HAUS8: variants seen among roughly 807,000 people sequenced by gnomAD.
HAUS8 encodes the protein HAUS augmin like complex subunit 8, also known as HAUS augmin-like complex subunit 8.
In HAUS8, 38 loss-of-function variants were observed where a neutral mutation model predicts 42.9. The ratio of observed to expected loss-of-function variants is 0.89; its 90% CI spans 0.68 to 1.16. HAUS8 has a LOEUF of 1.16. Ranked by LOEUF, HAUS8 falls within the 50% of genes most tolerant of loss-of-function variation. The pLI is 0.00. For synonymous variants in HAUS8, 199 were observed against 205.8 expected (o/e 0.97, Z 0.28); for missense variants, 494 against 511.6 (o/e 0.97, Z 0.33).
Position 17,071,427 on chromosome 19 carries a change from C to T in HAUS8, c.91+1847G>A, listed in dbSNP as rs528595053. The stretch of plus-strand genomic sequence containing the variant: ...GCAGATGTGGACAATCGGAAGGCCA[C>T]TCTCATGGTGCAGGTCTCCAAGGGC... On this transcript the variant is annotated intron_variant, in intron 2 of 10. Transcript: ENST00000253669. 2.0e-5 allele frequency among the ~76,000 whole-genome samples: 3 copies of T among 152,260 alleles called. No individual in the cohort carries two copies. The East Asian group carries it at 5.8e-4, about 29-fold the overall frequency.
In HAUS8 at chr19:17,049,909, C is replaced by A; in HGVS notation, c.1197G>T (p.Pro399=). ...CCCTCCCTGAACGAGAGAGAGAGGG[C>A]GGGACTTCTGCCTGGCTGCTTGAAG... is the stretch of plus-strand genomic sequence containing the variant. ...DFSSSSQAEV[P]PSLSRSGRDL... The change falls in exon 11 of 11, where the codon CCG becomes CCT. Residue 399 remains proline (P), a synonymous_variant. Transcript: ENST00000253669. 1 of 1,523,606 alleles carries A rather than the reference C, an allele frequency of 6.6e-7. No homozygotes were observed. The highest frequency in any genetic ancestry group is 8.8e-7 in the Non-Finnish European group (1 of 1,134,414). The allele number at this position is 1,523,606 out of a possible 1,614,324, so 94.4% of individuals were successfully genotyped here. A position where few individuals can be genotyped will look rare whatever the true frequency, so the allele number is the denominator to read the frequency against.
chr19:17,068,430 A>G (rs965983462), intron 3 of HAUS8, among the ~76,000 whole-genome samples: 4 of 152,132 alleles, frequency 2.6e-5, no homozygotes, highest in Admixed American at 6.6e-5. Context: ...TGGGCACTGG[A>G]TAAGACAGCT....
rs1180853266 is a variant in HAUS8, at chr19:17,055,990, T to C, written c.658A>G (p.Ser220Gly). The change falls in exon 9 of 11, where the codon AGC (serine) becomes GGC (glycine). Residue 220 changes from serine (S) to glycine (G), a missense_variant. Coordinates refer to ENST00000253669, the MANE Select transcript of HAUS8 (RefSeq NM_033417.2). ...CGTGTGGCCACTGCCTCGAAGGGGC[T>C]GAGCATCTCGATCTGTAAGCAGAAG... The part of the protein sequence containing the change: ...DVLDAQIEML[S>G]PFEAVATRFK... 6.2e-7 allele frequency: 1 copy of C among 1,614,130 alleles called. No homozygotes were observed. The highest frequency in any genetic ancestry group is 8.5e-7 in the Non-Finnish European group (1 of 1,180,024).
intron 2 of HAUS8, among the ~76,000 whole-genome samples, chr19:17,070,853 T>C (rs774920956): frequency 6.6e-6 from 1 of 152,134 alleles, no homozygotes; most frequent in Non-Finnish European, 1.5e-5. Context: ...GCGGATCACC[T>C]GAGGTCAGGA....
intron 2 of HAUS8, among the ~76,000 whole-genome samples, chr19:17,072,092 A>G (rs901303492): frequency 2.0e-5 from 3 of 152,258 alleles, no homozygotes; most frequent in Non-Finnish European, 4.4e-5. Context: ...TAAATATTAT[A>G]GCTGTTATAT....
intron 8 of HAUS8, among the ~76,000 whole-genome samples, chr19:17,057,925 G>A (rs1033339350): frequency 6.6e-6 from 1 of 152,210 alleles, no homozygotes; most frequent in South Asian, 2.1e-4. Flanking sequence ...ACACAGAGAA[G>A]ACAACCATTC....
Position 17,049,901 on chromosome 19 carries a change from AGAGAGG to A in HAUS8, c.1199_1204del (p.Pro400_Ser401del). On this transcript the variant is annotated inframe_deletion, in exon 11 of 11. Coordinates refer to ENST00000253669, the MANE Select transcript of HAUS8 (RefSeq NM_033417.2). Reference sequence around the variant, plus strand: ...TGACAAGTCCCTCCCTGAACGAGAGAGAGAGGGCGGGACTTCTGCCTGGCTGCTTGA... The same window carrying A: ...TGACAAGTCCCTCCCTGAACGAGAGAGCGGGACTTCTGCCTGGCTGCTTGA... 1 of 1,505,524 alleles carries A rather than the reference AGAGAGG, an allele frequency of 6.6e-7. No individual in the cohort carries two copies. Among genetic ancestry groups the A allele is most frequent in the Non-Finnish European group, 8.9e-7 (1 of 1,126,172 alleles). 93.3% of individuals were successfully genotyped at this position (1,505,524 alleles called of 1,614,324 possible).
chr19:17,062,565 T>G, intron 4 of HAUS8, 133 bp downstream of exon 4: 1 of 695,096 alleles, frequency 1.4e-6, no homozygotes, highest in Non-Finnish European at 2.6e-6. Context: ...AGTCTGTCCT[T>G]ATGCTCCAAC....
chr19:17,062,616 G>A lies in HAUS8; in HGVS notation c.229+82C>T, dbSNP rs574011444. ...CTTCTGACCCTTCCCAGAAAGGAAA[G>A]AAGGAACTTTAACTTAGCACCCATG... On this transcript the variant is annotated intron_variant, in intron 4 of 10. Coordinates refer to ENST00000253669, the MANE Select transcript of HAUS8 (RefSeq NM_033417.2). The A allele has an allele frequency of 1.2e-4, 121 of 1,010,984 alleles. 2 individuals carry two copies. The highest frequency in any genetic ancestry group is 1.2e-3 in the South Asian group (91 of 77,888). The allele number at this position is 1,010,984 out of a possible 1,614,324, so 62.6% of individuals were successfully genotyped here.
rs771921019 is a variant in HAUS8, at chr19:17,049,846, C to T, written c.*27G>A. On this transcript the variant is annotated 3_prime_UTR_variant, in exon 11 of 11. Coordinates refer to ENST00000253669, the MANE Select transcript of HAUS8 (RefSeq NM_033417.2). ...CAGTGCTACGGTAGTATATAAAGTG[C>T]TCAAGTATCCTGAATGTAACCATGA... The T allele has an allele frequency of 7.0e-7, 1 of 1,433,256 alleles. No individual in the cohort carries two copies. The allele number at this position is 1,433,256 out of a possible 1,614,324, so 88.8% of individuals were successfully genotyped here.
At chr19:17,070,595 G>A (rs1599992147) in intron 2 of HAUS8, among the ~76,000 whole-genome samples, 1 of 152,296 alleles carries the variant, frequency 6.6e-6, no homozygotes, top group South Asian at 2.1e-4. Context: ...CAGCACACTT[G>A]TCTCTGCCTG....
chr19:17,059,457 T>C (rs1031879117), intron 6 of HAUS8, 100 bp downstream of exon 6: 11 of 783,390 alleles, frequency 1.4e-5, no homozygotes, highest in Non-Finnish European at 2.0e-5. Flanking sequence ...GTGTCTTTTA[T>C]GTTCTTGGAT....
intron 3 of HAUS8, among the ~76,000 whole-genome samples, chr19:17,064,842 G>T (rs181141938): frequency 2.6e-4 from 40 of 152,324 alleles, no homozygotes; most frequent in African/African-American, 8.9e-4. Flanking sequence ...CACAAATGGG[G>T]AAAGTGATCA....
At chr19:17,067,135 G>T (rs978758860) in intron 3 of HAUS8, among the ~76,000 whole-genome samples, 1 of 151,444 alleles carries the variant, frequency 6.6e-6, no homozygotes, top group Non-Finnish European at 1.5e-5. Context: ...AATCCAGAAG[G>T]CGGAGGTTGC....
intron 4 of HAUS8, chr19:17,060,313 T>C (rs574381891): frequency 7.0e-5 from 35 of 500,514 alleles, no homozygotes; most frequent in African/African-American, 5.6e-4. Context: ...ACAGAGACAT[T>C]CTGTATAACC....
chr19:17,062,684 T>C lies in HAUS8; in HGVS notation c.229+14A>G, dbSNP rs192590287. ...CGCGCTCATCACTGCCCGAGGACCATGGCTGTTTCGCACCTTTGCTTTTCT... is the reference window on the plus strand; with the variant it reads ...CGCGCTCATCACTGCCCGAGGACCACGGCTGTTTCGCACCTTTGCTTTTCT... On this transcript the variant is annotated intron_variant, in intron 4 of 10. Transcript: ENST00000253669. 1.4e-5 allele frequency: 23 copies of C among 1,610,586 alleles called. No individual in the cohort carries two copies. The highest frequency in any genetic ancestry group is 1.3e-4 in the Admixed American group (8 of 60,018).
chr19:17,058,410 G>C (rs542548551), intron 8 of HAUS8, 139 bp downstream of exon 8: 2 of 767,776 alleles, frequency 2.6e-6, no homozygotes, highest in Non-Finnish European at 4.1e-6. Flanking sequence ...CAGGACCAGA[G>C]CAAGTGTGGC....
rs750270849 is a variant in HAUS8, at chr19:17,050,148, C to A, written c.958G>T (p.Ala320Ser). ...AAGGCTGCCTCTTTGCTTGCCTCTG[C>A]GGAGAGTTCCAGCACCTGGGCAAAG... is the stretch of plus-strand genomic sequence containing the variant. ...RSFAQVLELS[A>S]EASKEAALAN... Residue 320 changes from alanine to serine, a missense_variant, in exon 11 of 11, where the codon GCA becomes TCA. Ala to Ser is a moderately conservative substitution (Grantham distance 99). Coordinates refer to ENST00000253669, the MANE Select transcript of HAUS8 (RefSeq NM_033417.2). 2 of 1,536,614 alleles carry A rather than the reference C, an allele frequency of 1.3e-6. No individual in the cohort carries two copies. Among genetic ancestry groups the A allele is most frequent in the African/African-American group, 1.4e-5 (1 of 72,284 alleles).
chr19:17,065,599 G>A (rs1422157029), intron 3 of HAUS8, among the ~76,000 whole-genome samples: 3 of 152,176 alleles, frequency 2.0e-5, no homozygotes, highest in Non-Finnish European at 2.9e-5. Flanking sequence ...AGAGGCCGAG[G>A]TGGGCAGATC....
Sources: allele counts gnomAD v4.1 joint callset (sites outside exome capture counted in the v4.1 genomes callset), GRCh38; gene constraint gnomAD v4.1.1; transcripts MANE v1.5; gene names NCBI Gene and HGNC (gene_info 2026-07-23, HGNC 2026-07-21).